Variants in AK5 observed in about 807,000 individuals in gnomAD.
AK5 encodes the protein adenylate kinase 5, also known as adenylate kinase isoenzyme 5.
A neutral mutation model predicts 69.5 loss-of-function variants in AK5; 27 were observed. That is an observed-to-expected ratio of 0.39 (90% confidence interval 0.29 to 0.54). The LOEUF (loss-of-function observed/expected upper bound fraction) is 0.54, where lower values mean the gene tolerates loss of function less well. AK5 is among the 20% of genes least tolerant of loss of function. The probability of loss-of-function intolerance (pLI) is 0.71; values close to 1 mark genes in which losing one functional copy is unlikely to be tolerated. For missense variants in AK5, 531 were observed against 700.4 expected (o/e 0.76, Z 2.73); for synonymous variants, 260 against 244.4 (o/e 1.06, Z -0.60).
chr1:77,377,058 G>T (rs1375094375), intron 6 of AK5, among the ~76,000 whole-genome samples: 3 of 152,190 alleles, frequency 2.0e-5, no homozygotes, highest in African/African-American at 4.8e-5. Context: ...ACAATAATTT[G>T]CCCCAGCAGT....
intron 8 of AK5, among the ~76,000 whole-genome samples, chr1:77,459,883 C>A (rs1201138491): frequency 2.6e-5 from 4 of 151,860 alleles, no homozygotes; most frequent in Non-Finnish European, 5.9e-5. Flanking sequence ...ACTTCTGAAT[C>A]ATTAAAATAC....
At chr1:77,470,131 C>T (rs1378755267) in intron 8 of AK5, among the ~76,000 whole-genome samples, 2 of 152,180 alleles carry the variant, frequency 1.3e-5, no homozygotes, top group East Asian at 3.8e-4. Flanking sequence ...GATAATGAAG[C>T]TTACCTTGTG....
chr1:77,374,056 C>A (rs1360848820), intron 6 of AK5, among the ~76,000 whole-genome samples: 2 of 152,162 alleles, frequency 1.3e-5, no homozygotes, highest in African/African-American at 2.4e-5. Context: ...ATTTAGAACA[C>A]TGTCATTTCC....
chr1:77,305,080 A>G (rs1477079212), intron 5 of AK5, among the ~76,000 whole-genome samples: 2 of 152,092 alleles, frequency 1.3e-5, no homozygotes, highest in East Asian at 1.9e-4. Context: ...CATTTATTTG[A>G]TAATCAGTGA....
intron 6 of AK5, among the ~76,000 whole-genome samples, chr1:77,407,665 G>A (rs1335263867): frequency 6.6e-6 from 1 of 152,068 alleles, no homozygotes; most frequent in Non-Finnish European, 1.5e-5. Context: ...GGGTACATGT[G>A]CAGATTTGCT....
intron 13 of AK5, among the ~76,000 whole-genome samples, chr1:77,544,250 C>G (rs1659425633): frequency 1.3e-5 from 2 of 152,182 alleles, no homozygotes; most frequent in Admixed American, 6.5e-5. Context: ...GGAAGGTGCT[C>G]TGGATGAGTC....
intron 6 of AK5, among the ~76,000 whole-genome samples, chr1:77,392,005 T>C (rs151156676): frequency 6.6e-6 from 1 of 152,212 alleles, no homozygotes; most frequent in East Asian, 1.9e-4. Context: ...GTACGTAGAC[T>C]CCAACATACT....
intron 6 of AK5, among the ~76,000 whole-genome samples, chr1:77,409,544 G>A (rs559899063): frequency 2.6e-5 from 4 of 151,996 alleles, no homozygotes; most frequent in African/African-American, 9.7e-5. Context: ...CTTCTTTTGA[G>A]ACATGTCTGT....
chr1:77,553,722 T>C (rs1188489959), intron 13 of AK5, among the ~76,000 whole-genome samples: 3 of 152,176 alleles, frequency 2.0e-5, no homozygotes, highest in Non-Finnish European at 4.4e-5. Flanking sequence ...GTGTAAATAA[T>C]AAATCAAGCG....
At chr1:77,363,265 T>C (rs1223700116) in intron 6 of AK5, among the ~76,000 whole-genome samples, 1 of 152,138 alleles carries the variant, frequency 6.6e-6, no homozygotes, top group Non-Finnish European at 1.5e-5. Context: ...CTTTGTGGTC[T>C]TTTTCAATAA....
intron 10 of AK5, among the ~76,000 whole-genome samples, chr1:77,493,373 T>A (rs1363418285): frequency 6.6e-6 from 1 of 151,470 alleles, no homozygotes; most frequent in Non-Finnish European, 1.5e-5. Flanking sequence ...TGAACTATAC[T>A]CCCCCACCTT....
intron 10 of AK5, among the ~76,000 whole-genome samples, chr1:77,509,476 G>A (rs116093471): frequency 2.9e-3 from 441 of 152,210 alleles, no homozygotes; most frequent in African/African-American, 0.01. Context: ...TGACCCATGG[G>A]CCCAGAATGG....
At position 77,401,996 on chromosome 1, in the gene AK5, T is replaced by C. The variant is rs139003765; in HGVS notation, c.892-8985T>C. Among the ~76,000 whole-genome samples the C allele has an allele frequency of 1.2e-4, 19 of 152,288 alleles. No individual in the cohort carries two copies. In the East Asian group the frequency reaches 3.7e-3, roughly 29 times the overall value. ...CCACATCCTCTGCAAATTCTGTCCT[T>C]AGGAATAAGAAAAGGATTTTCTTAA... On this transcript the variant is annotated intron_variant, in intron 6 of 13. Transcript: ENST00000354567.
chr1:77,492,207 G>A (rs1656045055), intron 10 of AK5, among the ~76,000 whole-genome samples: 1 of 151,826 alleles, frequency 6.6e-6, no homozygotes, highest in Non-Finnish European at 1.5e-5. Context: ...AAAATGATGT[G>A]TGCTTAAGGG....
At chr1:77,372,781 G>GTA (rs1444094694) in intron 6 of AK5, among the ~76,000 whole-genome samples, 4 of 151,988 alleles carry the variant, frequency 2.6e-5, no homozygotes, top group Non-Finnish European at 4.4e-5. Context: ...GCGTGTGTGT[G>GTA]TGTGTGTGTG....
intron 5 of AK5, among the ~76,000 whole-genome samples, chr1:77,309,439 C>T (rs1327615837): frequency 6.6e-6 from 1 of 152,088 alleles, no homozygotes; most frequent in East Asian, 1.9e-4. Flanking sequence ...GTGATCTGCT[C>T]CTGCTCTTTC....
intron 7 of AK5, among the ~76,000 whole-genome samples, chr1:77,415,533 G>A (rs1650368129): frequency 6.6e-6 from 1 of 152,162 alleles, no homozygotes; most frequent in Non-Finnish European, 1.5e-5. Context: ...GATAAAATTT[G>A]TGTTATCTTT....
At chr1:77,494,025 C>T (rs1656153645) in intron 10 of AK5, among the ~76,000 whole-genome samples, 1 of 152,140 alleles carries the variant, frequency 6.6e-6, no homozygotes, top group South Asian at 2.1e-4. Flanking sequence ...TTCAAAAAGA[C>T]ATAAAACAGT....
In AK5 at chr1:77,499,869, C is replaced by CTTTTTTT. The variant is rs749712310; in HGVS notation, c.1147+13517_1147+13518insTTTTTTT. ...GATGACAGAGACCATGCCCTTTTTC[C>CTTTTTTT]ATTTTTTTTTTTTTTTTTTTTTTTT... On this transcript the variant is annotated intron_variant, in intron 10 of 13. Transcript: ENST00000354567. Among the ~76,000 whole-genome samples, 339 of 78,766 alleles carry CTTTTTTT rather than the reference C, an allele frequency of 4.3e-3. 52 individuals carry two copies. Among genetic ancestry groups the CTTTTTTT allele is most frequent in the South Asian group, 7.3e-3 (13 of 1,782 alleles). The allele number at this position is 78,766 out of a possible 152,430, so 51.7% of individuals were successfully genotyped here. A position where few individuals can be genotyped will look rare whatever the true frequency, so the allele number is the denominator to read the frequency against.
Sources: gnomAD v4.1 joint callset for allele counts (sites outside exome capture counted in the v4.1 genomes callset) on GRCh38, gnomAD v4.1.1 for gene constraint, MANE v1.5 for transcripts, NCBI Gene and HGNC (gene_info 2026-07-23, HGNC 2026-07-21) for gene names.